The following SULT2B1 variants were observed in gnomAD, a reference collection of about 807,000 sequenced individuals.
SULT2B1 encodes the protein sulfotransferase 2B1.
Under a neutral mutation model 33.2 loss-of-function variants are expected in SULT2B1, and 16 were observed. That is an observed-to-expected ratio of 0.48 (90% CI 0.33 to 0.73). The LOEUF is 0.73. Among genes scored for constraint, SULT2B1 ranks in the 30% least tolerant of loss-of-function variants. The probability of loss-of-function intolerance (pLI) is 0.02; values close to 1 mark genes in which losing one functional copy is unlikely to be tolerated. For synonymous variants in SULT2B1, 186 were observed against 200.5 expected (o/e 0.93, Z 0.61); for missense variants, 500 against 506.0 (o/e 0.99, Z 0.11).
In SULT2B1 at chr19:48,575,905, A is replaced by C. The variant is rs115041740; in HGVS notation, c.72-36A>C. 899 of 1,591,982 alleles carry C rather than the reference A, an allele frequency of 5.6e-4. 6 individuals are homozygous for C. In the African/African-American group the frequency reaches 0.01, roughly 18 times the overall value. ...TGAGAACTCCAGCACCCACCTCCCTACTCTCCCTCATGGCGTCTCCCCCAC... is the reference window on the plus strand; with the variant it reads ...TGAGAACTCCAGCACCCACCTCCCTCCTCTCCCTCATGGCGTCTCCCCCAC... On this transcript the variant is annotated intron_variant, in intron 1 of 6. Transcript: ENST00000201586.
At chr19:48,587,528 C>A in intron 3 of SULT2B1, 91 bp downstream of exon 3, 1 of 1,429,132 alleles carries the variant, frequency 7.0e-7, no homozygotes, top group Non-Finnish European at 9.8e-7. Flanking sequence ...ATTCATTCAG[C>A]ACCTATTTGT....
In SULT2B1 at chr19:48,575,696, G is replaced by T. The variant is rs568653878; in HGVS notation, c.72-245G>T. On this transcript the variant is annotated intron_variant, in intron 1 of 6. Coordinates refer to ENST00000201586, the MANE Select transcript of SULT2B1 (RefSeq NM_177973.2). ...GGGTTTCACCATGTTGGCCAGGCTGGTCTCAAACTCCTGACCTCAGGTGAT... is the reference window on the plus strand; with the variant it reads ...GGGTTTCACCATGTTGGCCAGGCTGTTCTCAAACTCCTGACCTCAGGTGAT... The T allele has an allele frequency of 1.1e-4, 51 of 467,158 alleles. No homozygotes were observed. The South Asian group carries it at 2.5e-3, about 22-fold the overall frequency. The allele number at this position is 467,158 out of a possible 1,614,324, so 28.9% of individuals were successfully genotyped here.
At chr19:48,577,352 C>CGTCTTTTTTTT in intron 2 of SULT2B1, among the ~76,000 whole-genome samples, 1 of 30,636 alleles carries the variant, frequency 3.3e-5, no homozygotes, top group Non-Finnish European at 5.6e-5. Flanking sequence ...ACTGAGCCGT[C>CGTCTTTTTTTT]TTTTTTTTTT....
intron 2 of SULT2B1, among the ~76,000 whole-genome samples, chr19:48,582,143 G>T (rs1195684447): frequency 6.6e-6 from 1 of 151,936 alleles, no homozygotes; most frequent in Non-Finnish European, 1.5e-5. Flanking sequence ...GACCTCAGGA[G>T]ATCCACCTGC....
intron 6 of SULT2B1, 121 bp downstream of exon 6, chr19:48,597,040 T>G: frequency 1.7e-6 from 2 of 1,145,764 alleles, no homozygotes; most frequent in Non-Finnish European, 2.4e-6. Flanking sequence ...GTGAACAGGG[T>G]CACTGTGGCC....
intron 3 of SULT2B1, among the ~76,000 whole-genome samples, chr19:48,590,181 G>T (rs1973625907): frequency 6.6e-6 from 1 of 151,924 alleles, no homozygotes; most frequent in Admixed American, 6.6e-5. Flanking sequence ...TAGAGACGGG[G>T]TTTCACCATG....
intron 1 of SULT2B1, among the ~76,000 whole-genome samples, chr19:48,573,853 A>G (rs905470069): frequency 1.3e-5 from 2 of 151,916 alleles, no homozygotes; most frequent in Non-Finnish European, 2.9e-5. Flanking sequence ...CTGCACGACA[A>G]TTGGTTTGTT....
chr19:48,552,283 G>T lies in SULT2B1; in HGVS notation c.31G>T (p.Gly11Cys), dbSNP rs560149467. MDGPAEPQIP[G>C]LWDTYEDDIS... is the part of the protein sequence containing the mutation. ...CGGGCCCGCCGAGCCCCAGATCCCG[G>T]GCTTGTGGGACACCTATGAAGATGA... Residue 11 changes from glycine (G) to cysteine (C), a missense_variant, in exon 1 of 7, where the codon GGC (glycine) becomes TGC (cysteine). Coordinates refer to ENST00000201586, the MANE Select transcript of SULT2B1 (RefSeq NM_177973.2). This position sits in a 1 kb window ranked among gnomAD's most constrained non-coding sequence, Gnocchi z 4.8. 1 of 1,614,004 alleles carries T rather than the reference G, an allele frequency of 6.2e-7. No individual in the cohort carries two copies. Among genetic ancestry groups the T allele is most frequent in the Non-Finnish European group, 8.5e-7 (1 of 1,179,948 alleles).
chr19:48,575,462 A>AT lies in SULT2B1; in HGVS notation c.72-479_72-478insT, dbSNP rs1323993844. The stretch of plus-strand genomic sequence containing the variant: ...ATCTTTATTAACTTTTTAAAATTAA[A>AT]AATATATATATATATATATTTATAT... On this transcript the variant is annotated intron_variant, in intron 1 of 6. Coordinates refer to ENST00000201586, the MANE Select transcript of SULT2B1 (RefSeq NM_177973.2). 372 of 54,352 alleles carry AT rather than the reference A, an allele frequency of 6.8e-3. 4 individuals are homozygous for AT. The highest frequency in any genetic ancestry group is 0.012 in the African/African-American group (174 of 14,928). 3.4% of individuals were successfully genotyped at this position (54,352 alleles called of 1,614,324 possible).
chr19:48,557,290 A>G (rs1973111629), intron 1 of SULT2B1, among the ~76,000 whole-genome samples: 1 of 152,110 alleles, frequency 6.6e-6, no homozygotes, highest in Admixed American at 6.6e-5. Flanking sequence ...CTGTAATCCC[A>G]GCACTTTGGG....
chr19:48,576,359 C>CTTTTCTTTTTTTTTTTTTTTT lies in SULT2B1; in HGVS notation c.214+280_214+281insCTTTTTTTTTTTTTTTTTTTT. ...CCTTTCCCCTTTACCCTCTACTTCT[C>CTTTTCTTTTTTTTTTTTTTTT]TTTTTTTTTTTTTTTTTTGTAGAGA... On this transcript the variant is annotated intron_variant, in intron 2 of 6. Transcript: ENST00000201586. 1.7e-3 allele frequency among the ~76,000 whole-genome samples: 169 copies of CTTTTCTTTTTTTTTTTTTTTT among 96,694 alleles called. 3 individuals are homozygous for CTTTTCTTTTTTTTTTTTTTTT. The highest frequency in any genetic ancestry group is 2.3e-3 in the East Asian group (8 of 3,432). The allele number at this position is 96,694 out of a possible 152,430, so 63.4% of individuals were successfully genotyped here. A position where few individuals can be genotyped will look rare whatever the true frequency, so the allele number is the denominator to read the frequency against.
At chr19:48,585,411 T>G (rs1770528261) in intron 2 of SULT2B1, among the ~76,000 whole-genome samples, 1 of 152,014 alleles carries the variant, frequency 6.6e-6, no homozygotes, top group African/African-American at 2.4e-5. Context: ...CTTACTCCTG[T>G]AATCCCAGCA....
At chr19:48,576,848 C>T (rs907328987) in intron 2 of SULT2B1, among the ~76,000 whole-genome samples, 1 of 151,082 alleles carries the variant, frequency 6.6e-6, no homozygotes, top group Non-Finnish European at 1.5e-5. Flanking sequence ...ATCATGTTGC[C>T]CAGGCTGGTC....
intron 6 of SULT2B1, among the ~76,000 whole-genome samples, chr19:48,598,891 G>A (rs1328943902): frequency 6.6e-6 from 1 of 152,114 alleles, no homozygotes; most frequent in Non-Finnish European, 1.5e-5. Context: ...GGGGAGGACT[G>A]GCAGGAATCC....
rs1312947542 is a variant in SULT2B1 at position 48,576,361 on chromosome 19, T to TTTCTTTC, written c.214+280_214+281insCTTTCTT. On this transcript the variant is annotated intron_variant, in intron 2 of 6. Transcript: ENST00000201586. ...TTTCCCCTTTACCCTCTACTTCTCT[T>TTTCTTTC]TTTTTTTTTTTTTTTTGTAGAGATG... Among the ~76,000 whole-genome samples, 36 of 112,550 alleles carry TTTCTTTC rather than the reference T, an allele frequency of 3.2e-4. 1 individual carries two copies. The highest frequency in any genetic ancestry group is 9.6e-4 in the South Asian group (3 of 3,136). The allele number at this position is 112,550 out of a possible 152,430, so 73.8% of individuals were successfully genotyped here.
chr19:48,587,494 G>C (rs2147622445), intron 3 of SULT2B1, 57 bp downstream of exon 3: 3 of 1,575,518 alleles, frequency 1.9e-6, no homozygotes, highest in South Asian at 2.2e-5. Flanking sequence ...ATGGGGTAAT[G>C]GGGGGACGGA....
chr19:48,555,023 G>A (rs1973079780), intron 1 of SULT2B1, among the ~76,000 whole-genome samples: 3 of 152,144 alleles, frequency 2.0e-5, no homozygotes, highest in South Asian at 2.1e-4. Context: ...GAGGTGAAGC[G>A]GGCGCTCTGA....
intron 3 of SULT2B1, 62 bp downstream of exon 3, chr19:48,587,499 G>T: frequency 6.4e-7 from 1 of 1,563,916 alleles, no homozygotes; most frequent in Non-Finnish European, 8.8e-7. Context: ...GTAATGGGGG[G>T]ACGGAGCATA....
chr19:48,570,379 A>C (rs1973304660), intron 1 of SULT2B1, among the ~76,000 whole-genome samples: 1 of 151,952 alleles, frequency 6.6e-6, no homozygotes, highest in African/African-American at 2.4e-5. Flanking sequence ...GGGTTTCGCC[A>C]TGTTGGCCAG....
Sources: gnomAD v4.1 joint callset for allele counts (sites outside exome capture counted in the v4.1 genomes callset) on GRCh38, gnomAD v4.1.1 for gene constraint, Gnocchi (gnomAD v3.1) non-coding constraint, MANE v1.5 for transcripts, NCBI Gene and HGNC (gene_info 2026-07-23, HGNC 2026-07-21) for gene names.